UBR4: variants seen among roughly 807,000 people sequenced by gnomAD.
UBR4 encodes E3 ubiquitin-protein ligase UBR4.
A neutral mutation model predicts 575.6 loss-of-function variants in UBR4; 124 were observed. That is an observed-to-expected ratio of 0.22 (90% CI 0.19 to 0.25). The LOEUF is 0.25. Among genes scored for constraint, UBR4 ranks in the 10% least tolerant of loss-of-function variants. The pLI is 1.00. For synonymous variants in UBR4, 2,455 were observed against 2,473.7 expected (o/e 0.99, Z 0.22); for missense variants, 4,818 against 6,478.8 (o/e 0.74, Z 8.80).
At chr1:19,175,158 G>A (rs1464248196) in intron 20 of UBR4, 125 bp from the exon 21 acceptor site, 3 of 896,118 alleles carry the variant, frequency 3.3e-6, no homozygotes, top group Non-Finnish European at 4.9e-6. Flanking sequence ...TTGACATCTG[G>A]AGCCAGATAA....
intron 2 of UBR4, among the ~76,000 whole-genome samples, 191 bp downstream of exon 2, chr1:19,201,527 T>A (rs1194419927): frequency 6.6e-6 from 1 of 152,206 alleles, no homozygotes; most frequent in Non-Finnish European, 1.5e-5. Flanking sequence ...AAAATTCCAC[T>A]TGGTTAGCCT....
intron 2 of UBR4, among the ~76,000 whole-genome samples, chr1:19,200,453 T>C (rs1473830212): frequency 6.6e-6 from 1 of 152,090 alleles, no homozygotes; most frequent in Non-Finnish European, 1.5e-5. Context: ...TCAGGCATAG[T>C]GGCTCACACC....
Position 19,157,778 on chromosome 1 carries a change from T to C in UBR4, c.5760+37A>G. 6.2e-7 allele frequency: 1 copy of C among 1,600,488 alleles called. No homozygotes were observed. Among genetic ancestry groups the C allele is most frequent in the Non-Finnish European group, 8.5e-7 (1 of 1,170,656 alleles). On this transcript the variant is annotated intron_variant, in intron 40 of 105. Transcript: ENST00000375254. The surrounding 1 kb of genome is among the most constrained non-coding windows in gnomAD (Gnocchi z 4.4). ...GTTTTGCTTAGCATTTAAGACAATA[T>C]GACCTAAAGTAAGCGCACAAGAATT...
rs1557668760 is a variant in UBR4 at position 19,121,275 on chromosome 1, A to G, written c.10055T>C (p.Val3352Ala). Reference sequence around the variant, plus strand: ...TGTGGCTTGTCCAGAACTGGCAGCCACAGGGGCTGAGGAGGAAGAAGCACT... The same window carrying G: ...TGTGGCTTGTCCAGAACTGGCAGCCGCAGGGGCTGAGGAGGAAGAAGCACT... ...SSSASSSSAP[V>A]AASSGQATTQ... Residue 3352 changes from valine (V) to alanine (A), a missense_variant, in exon 68 of 106, where the codon GTG (valine) becomes GCG (alanine). By Grantham distance (64) the Val-to-Ala change is moderately conservative. Around this residue, in one of 29 missense-constraint regions of UBR4, gnomAD observed 550 missense variants for 791.5 expected, o/e 0.69. Transcript: ENST00000375254. 6.2e-7 allele frequency: 1 copy of G among 1,614,030 alleles called. No homozygotes were observed. Among genetic ancestry groups the G allele is most frequent in the Non-Finnish European group, 8.5e-7 (1 of 1,180,026 alleles).
chr1:19,128,114 T>C (rs750719131), intron 62 of UBR4, 97 bp downstream of exon 62: 4 of 1,205,102 alleles, frequency 3.3e-6, no homozygotes, highest in Non-Finnish European at 4.9e-6. Context: ...TGGTTACCCC[T>C]TGAAACGAGG....
Position 19,139,790 on chromosome 1 carries a change from T to C in UBR4, c.8594-570A>G, listed in dbSNP as rs1008332658. 6.6e-6 allele frequency among the ~76,000 whole-genome samples: 1 copy of C among 151,982 alleles called. No individual in the cohort carries two copies. The highest frequency in any genetic ancestry group is 2.4e-5 in the African/African-American group (1 of 41,340). ...GTCCAGAGGGGAGCTCATTGGGAAA[T>C]TTCACACCTCCTAATCATCCTCATC... On this transcript the variant is annotated intron_variant, in intron 58 of 105. Transcript: ENST00000375254. The surrounding 1 kb of genome is among the most constrained non-coding windows in gnomAD (Gnocchi z 4.2).
intron 28 of UBR4, 69 bp from the exon 29 acceptor site, chr1:19,167,300 G>T (rs949073926): frequency 1.9e-6 from 3 of 1,554,288 alleles, no homozygotes; most frequent in Non-Finnish European, 2.7e-6. Flanking sequence ...CAAGGACAGG[G>T]TAATTCAATT....
At chr1:19,146,733 G>A (rs2084924416) in intron 52 of UBR4, 93 bp downstream of exon 52, 1 of 1,470,980 alleles carries the variant, frequency 6.8e-7, no homozygotes, top group Admixed American at 2.2e-5. Context: ...TGAGCATGCA[G>A]TCAGTCAGAG....
chr1:19,085,745 C>G (rs2076951125), intron 101 of UBR4, among the ~76,000 whole-genome samples: 1 of 152,238 alleles, frequency 6.6e-6, no homozygotes, highest in African/African-American at 2.4e-5. Context: ...GCCCAACATC[C>G]CCCCTGCCAC....
intron 102 of UBR4, chr1:19,082,168 G>A (rs1001518807): frequency 8.7e-6 from 2 of 230,602 alleles, no homozygotes; most frequent in African/African-American, 4.5e-5. Flanking sequence ...TCTTCCAGAT[G>A]AGCGCTGCTT....
In UBR4 at chr1:19,081,474, G is replaced by A; in HGVS notation, c.15108C>T (p.Tyr5036=). The A allele has an allele frequency of 7.4e-6, 12 of 1,614,030 alleles. No homozygotes were observed. The highest frequency in any genetic ancestry group is 1.0e-5 in the Non-Finnish European group (12 of 1,180,032). ...VESAFEVDGP[Y]YFTVLALHIL... ...TGTGAAGGGCCAAGACTGTGAAATA[G>A]TAGGGCCCGTCCACTTCAAAGGCAC... Residue 5036 remains tyrosine (Y), a synonymous_variant, in exon 103 of 106, where the codon TAC becomes TAT. Coordinates refer to ENST00000375254, the MANE Select transcript of UBR4 (RefSeq NM_020765.3).
Position 19,147,019 on chromosome 1 carries a change from A to G in UBR4, c.7630-19T>C, listed in dbSNP as rs1358909147. ...CCTGATCCTGTAAAACAACAGGAGCACAGAGGGTCAGCCATAAGCAAGAGC... is the reference window on the plus strand; with the variant it reads ...CCTGATCCTGTAAAACAACAGGAGCGCAGAGGGTCAGCCATAAGCAAGAGC... On this transcript the variant is annotated intron_variant, in intron 51 of 105. Coordinates refer to ENST00000375254, the MANE Select transcript of UBR4 (RefSeq NM_020765.3). 6.4e-7 allele frequency: 1 copy of G among 1,574,274 alleles called. No homozygotes were observed. Among genetic ancestry groups the G allele is most frequent in the Admixed American group, 1.8e-5 (1 of 56,584 alleles).
At chr1:19,146,108 TG>T in intron 52 of UBR4, 175 bp from the exon 53 acceptor site, 4 of 1,547,000 alleles carry the variant, frequency 2.6e-6, no homozygotes, top group South Asian at 1.2e-5. Flanking sequence ...AAAAACAGTC[TG>T]GGAAAGGAAT....
In UBR4 at chr1:19,210,081, G is replaced by A. The variant is rs1235254142; in HGVS notation, c.168C>T (p.Val56=). 6.4e-7 allele frequency: 1 copy of A among 1,567,432 alleles called. No individual in the cohort carries two copies. Among genetic ancestry groups the A allele is most frequent in the Non-Finnish European group, 8.6e-7 (1 of 1,159,216 alleles). The change falls in exon 1 of 106, where the codon GTC becomes GTT. Residue 56 remains valine, a synonymous_variant. Transcript: ENST00000375254. Reference sequence around the variant, plus strand: ...GAGCCGCCGCCCGGTACCTCTCGATGACTGAGGCCACCAGCTGCGGCAACT... The same window carrying A: ...GAGCCGCCGCCCGGTACCTCTCGATAACTGAGGCCACCAGCTGCGGCAACT... ...MKELPQLVAS[V]IESESEILHH... is the part of the protein sequence containing the mutation.
At chr1:19,113,081 C>T in intron 77 of UBR4, 1 of 544,812 alleles carries the variant, frequency 1.8e-6, no homozygotes, top group Non-Finnish European at 3.2e-6. Flanking sequence ...GTGGCAGAGT[C>T]AGAACTCAGA....
intron 18 of UBR4, among the ~76,000 whole-genome samples, chr1:19,178,170 A>T (rs904154137): frequency 2.0e-5 from 3 of 152,228 alleles, no homozygotes; most frequent in African/African-American, 4.8e-5. Flanking sequence ...ATTTAATTCT[A>T]GTTTTGAGAG....
chr1:19,074,763 C>T lies in UBR4; in HGVS notation c.*69G>A. The T allele has an allele frequency of 4.5e-6, 7 of 1,557,598 alleles. No individual in the cohort carries two copies. The South Asian group carries it at 5.7e-5, about 13-fold the overall frequency. On this transcript the variant is annotated 3_prime_UTR_variant, in exon 106 of 106. Transcript: ENST00000375254. ...CATCCCGCGGAGGGAACTTAATGCA[C>T]AAGGAGGGAGAACAGAGGGTGGAAG...
chr1:19,117,786 T>C lies in UBR4; in HGVS notation c.10629+37A>G, dbSNP rs763860683. ...GGAAACAAGAATCCCACTGGACCTA[T>C]TGGCCTCAGGACTGTCCATGTACAG... On this transcript the variant is annotated intron_variant, in intron 72 of 105. Transcript: ENST00000375254. This position sits in a 1 kb window ranked among gnomAD's most constrained non-coding sequence, Gnocchi z 4.0. 17 of 1,578,076 alleles carry C rather than the reference T, an allele frequency of 1.1e-5. No individual in the cohort carries two copies. Among genetic ancestry groups the C allele is most frequent in the Middle Eastern group, 1.7e-4 (1 of 6,002 alleles).
At chr1:19,103,493 A>T in intron 87 of UBR4, among the ~76,000 whole-genome samples, 1 of 152,160 alleles carries the variant, frequency 6.6e-6, no homozygotes, top group East Asian at 1.9e-4. Flanking sequence ...TGAATCCTGG[A>T]GGCAGAGGTT....
Sources: gnomAD v4.1 joint callset for allele counts (sites outside exome capture counted in the v4.1 genomes callset) on GRCh38, gnomAD v4.1.1 for gene constraint, gnomAD v4.1.1 regional missense constraint, Gnocchi (gnomAD v3.1) non-coding constraint, MANE v1.5 for transcripts, NCBI Gene and HGNC (gene_info 2026-07-23, HGNC 2026-07-21) for gene names.